Variants in NFRKB observed in about 807,000 individuals in gnomAD.
NFRKB encodes nuclear factor related to kappaB binding protein.
NFRKB carries 62 observed loss-of-function variants against 135.7 expected under a neutral mutation model. The ratio of observed to expected loss-of-function variants is 0.46; its 90% CI spans 0.37 to 0.56. NFRKB has a LOEUF of 0.56. NFRKB is among the 20% of genes least tolerant of loss of function. The pLI is 0.00. For missense variants in NFRKB, 1,545 were observed against 1,662.0 expected, an observed-to-expected ratio of 0.93 and a Z score of 1.22; for synonymous variants, 678 against 635.6, an observed-to-expected ratio of 1.07 and a Z score of -1.00.
At chr11:129,888,212 G>A (rs1367332622) in intron 4 of NFRKB, 7 of 525,330 alleles carry the variant, frequency 1.3e-5, no homozygotes, top group Non-Finnish European at 2.0e-5. Flanking sequence ...CAAAAAGTGT[G>A]TGTGTACCTA....
At chr11:129,891,457 T>C (rs1949556513) in intron 3 of NFRKB, among the ~76,000 whole-genome samples, 1 of 152,216 alleles carries the variant, frequency 6.6e-6, no homozygotes, top group Non-Finnish European at 1.5e-5. Flanking sequence ...TCATTCAGAT[T>C]CCTGGGTCCC....
Position 129,885,504 on chromosome 11 carries a change from G to A in NFRKB, c.571C>T (p.Arg191Cys), listed in dbSNP as rs756832085. The A allele has an allele frequency of 9.3e-6, 15 of 1,613,980 alleles. No individual in the cohort carries two copies. The highest frequency in any genetic ancestry group is 2.2e-5 in the East Asian group (1 of 44,892). Residue 191 changes from arginine to cysteine, a missense_variant, in exon 6 of 27, where the codon CGC becomes TGC. Around this residue, in one of 3 missense-constraint regions of NFRKB, gnomAD observed 678 missense variants for 646.7 expected, o/e 1.05. Transcript: ENST00000682444. ...PEEREWRTQQ[R>C]YLKVLREVKE... ...ACTTCCCTTAAGACCTTCAAGTAGC[G>A]CTGCTGGGTCCGCCACTCCCGCTCC...
chr11:129,874,200 G>A lies in NFRKB; in HGVS notation c.2192C>T (p.Pro731Leu). Residue 731 changes from proline to leucine, a missense_variant, in exon 21 of 27, where the codon CCC (proline) becomes CTC (leucine). Pro to Leu is a moderately conservative substitution (Grantham distance 98, BLOSUM62 -3). Transcript: ENST00000682444. The surrounding 1 kb of genome is among the most constrained non-coding windows in gnomAD (Gnocchi z 4.5). ...TPVTPTTPAL[P>L]AIPISPPPVS... ...AGGTGGAGGGGAGATGGGAATGGCG[G>A]GCAATGCTGGTGTGGTGGGGGTTAC... 2.0e-6 allele frequency: 3 copies of A among 1,520,360 alleles called. No homozygotes were observed. The highest frequency in any genetic ancestry group is 2.6e-6 in the Non-Finnish European group (3 of 1,136,146). 94.2% of individuals were successfully genotyped at this position (1,520,360 alleles called of 1,614,324 possible).
rs1207470884 is a variant in NFRKB, at chr11:129,874,303, C to T, written c.2089G>A (p.Val697Ile). ...TGCTCAGAAGGGCCACTGCTAAGGA[C>T]CTTTATGGAGCTCTCCTTGCTACTG... Reference protein sequence around the residue: ...KSSSKESSIKVLSSGPSEQSQ... With the variant: ...KSSSKESSIKILSSGPSEQSQ... Residue 697 changes from valine to isoleucine, a missense_variant, in exon 21 of 27, where the codon GTC (valine) becomes ATC (isoleucine). Val to Ile is a conservative substitution (Grantham distance 29). Coordinates refer to ENST00000682444, the MANE Select transcript of NFRKB (RefSeq NM_001143835.2). The surrounding 1 kb of genome is among the most constrained non-coding windows in gnomAD (Gnocchi z 4.5). 1.3e-6 allele frequency: 2 copies of T among 1,517,672 alleles called. No homozygotes were observed. Among genetic ancestry groups the T allele is most frequent in the Non-Finnish European group, 1.8e-6 (2 of 1,135,580 alleles). 94.0% of individuals were successfully genotyped at this position (1,517,672 alleles called of 1,614,324 possible). A position where few individuals can be genotyped will look rare whatever the true frequency, so the allele number is the denominator to read the frequency against.
chr11:129,892,148 G>A (rs1053734893), intron 3 of NFRKB, among the ~76,000 whole-genome samples: 6 of 151,796 alleles, frequency 4.0e-5, no homozygotes, highest in South Asian at 4.2e-4. Flanking sequence ...ATTTTGGTGC[G>A]CCTATCACCC....
At chr11:129,870,801 C>T (rs1948462505) in intron 23 of NFRKB, among the ~76,000 whole-genome samples, 1 of 152,152 alleles carries the variant, frequency 6.6e-6, no homozygotes, top group African/African-American at 2.4e-5. Flanking sequence ...GGGACTTCGT[C>T]TCTCTGTGGC....
rs766849064 is a variant in NFRKB at position 129,870,040 on chromosome 11, G to A, written c.2985C>T (p.Phe995=). ...TGCCTGTAGTGTTGCCTCCTGTCCC[G>A]AAGAGGTCCTGGGTCAATTTGACTG... The part of the protein sequence containing the change: ...VTTVKLTQDL[F]GTGGNTTGKG... Residue 995 remains phenylalanine (F), a synonymous_variant, in exon 24 of 27, where the codon TTC becomes TTT. Transcript: ENST00000682444. 3.3e-5 allele frequency: 53 copies of A among 1,614,112 alleles called. No homozygotes were observed. In the East Asian group the frequency reaches 3.8e-4, roughly 12 times the overall value.
In NFRKB at chr11:129,892,563, TA is replaced by T. The variant is rs1256200480; in HGVS notation, c.135+151del. 1.4e-4 allele frequency: 106 copies of T among 731,410 alleles called. 1 individual carries two copies. Among genetic ancestry groups the T allele is most frequent in the South Asian group, 9.3e-4 (42 of 45,116 alleles). 45.3% of individuals were successfully genotyped at this position (731,410 alleles called of 1,614,324 possible). A position where few individuals can be genotyped will look rare whatever the true frequency, so the allele number is the denominator to read the frequency against. Reference sequence around the variant, plus strand: ...TCGGATATTAAATAGACTCTAAACTTAAAAAAAAGATAAGAGATCAGGCTGC... The same window carrying T: ...TCGGATATTAAATAGACTCTAAACTTAAAAAAAGATAAGAGATCAGGCTGC... On this transcript the variant is annotated intron_variant, in intron 3 of 26. Transcript: ENST00000682444.
rs568817909 is a variant in NFRKB at position 129,892,959 on chromosome 11, T to A, written c.-21-89A>T. ...CACTCCTCCAGGAAAACATTCAACC[T>A]CCAGCCAGTTCTTACACCTTATCCT... On this transcript the variant is annotated intron_variant, in intron 2 of 26. Transcript: ENST00000682444. 2.4e-5 allele frequency: 39 copies of A among 1,591,914 alleles called. No homozygotes were observed. In the Admixed American group the frequency reaches 2.7e-4, roughly 11 times the overall value.
At chr11:129,877,937 T>G (rs1291532386) in intron 15 of NFRKB, among the ~76,000 whole-genome samples, 1 of 152,180 alleles carries the variant, frequency 6.6e-6, no homozygotes, top group Non-Finnish European at 1.5e-5. Context: ...AAGTTCTAGC[T>G]GGGGTCCTGC....
chr11:129,872,327 A>C (rs2135642433), intron 23 of NFRKB, among the ~76,000 whole-genome samples: 1 of 152,278 alleles, frequency 6.6e-6, no homozygotes, highest in East Asian at 1.9e-4. Flanking sequence ...CAAAAAAAAA[A>C]CATTACTTTA....
In NFRKB at chr11:129,893,033, G is replaced by A. The variant is rs1002651475; in HGVS notation, c.-21-163C>T. ...GCTCTCCTCCCTCCCTTTCACCACA[G>A]CATTCCCACTGGAATTTTCAAGTCT... is the stretch of plus-strand genomic sequence containing the variant. On this transcript the variant is annotated intron_variant, in intron 2 of 26. Transcript: ENST00000682444. 2.1e-6 allele frequency: 3 copies of A among 1,451,374 alleles called. No homozygotes were observed. In the African/African-American group the frequency reaches 4.3e-5, roughly 21 times the overall value. 89.9% of individuals were successfully genotyped at this position (1,451,374 alleles called of 1,614,324 possible). A position where few individuals can be genotyped will look rare whatever the true frequency, so the allele number is the denominator to read the frequency against.
In NFRKB at chr11:129,873,253, A is replaced by G. The variant is rs144379742; in HGVS notation, c.2551-157T>C. 3.8e-3 allele frequency among the ~76,000 whole-genome samples: 574 copies of G among 152,368 alleles called. 5 individuals are homozygous for G. The highest frequency in any genetic ancestry group is 0.013 in the African/African-American group (547 of 41,578). On this transcript the variant is annotated intron_variant, in intron 22 of 26. Transcript: ENST00000682444. Reference sequence around the variant, plus strand: ...CACCACTCTCTAAAATGGACACTGTAAATGTCTCATTTGTGTATATCTTAA... The same window carrying G: ...CACCACTCTCTAAAATGGACACTGTGAATGTCTCATTTGTGTATATCTTAA...
intron 23 of NFRKB, 21 bp from the exon 24 acceptor site, chr11:129,870,282 C>T: frequency 1.2e-6 from 2 of 1,602,698 alleles, no homozygotes. Flanking sequence ...AGAAGCAGCA[C>T]TGATGAGGGA....
chr11:129,880,107 T>C (rs536058476), intron 13 of NFRKB, among the ~76,000 whole-genome samples: 3 of 152,122 alleles, frequency 2.0e-5, no homozygotes, highest in Non-Finnish European at 4.4e-5. Context: ...GGAGAATTGC[T>C]TGAGCCCGGG....
chr11:129,869,929 A>G lies in NFRKB; in HGVS notation c.3096T>C (p.Pro1032=), dbSNP rs1346897321. ...SPAKASSASA[P]SSTPTGTTVV... ...CAGTGGTACCTGTTGGAGTGGATGA[A>G]GGGGCACTGGCTGAACTGGCCTTGG... Residue 1032 remains proline, a synonymous_variant, in exon 24 of 27, where the codon CCT becomes CCC. Coordinates refer to ENST00000682444, the MANE Select transcript of NFRKB (RefSeq NM_001143835.2). 1.2e-6 allele frequency: 2 copies of G among 1,614,234 alleles called. No homozygotes were observed. The highest frequency in any genetic ancestry group is 2.2e-5 in the East Asian group (1 of 44,890).
intron 13 of NFRKB, 55 bp downstream of exon 13, chr11:129,881,388 G>C (rs948311100): frequency 1.3e-6 from 2 of 1,554,500 alleles, no homozygotes; most frequent in Non-Finnish European, 8.9e-7. Flanking sequence ...AATAAACTTA[G>C]GGGAAGAAAT....
intron 23 of NFRKB, among the ~76,000 whole-genome samples, chr11:129,871,822 C>T (rs1156902312): frequency 1.3e-5 from 2 of 152,152 alleles, no homozygotes; most frequent in Non-Finnish European, 2.9e-5. Flanking sequence ...ATCAAGTCAC[C>T]CTTGCTCACC....
intron 24 of NFRKB, among the ~76,000 whole-genome samples, chr11:129,868,691 G>A (rs999276655): frequency 6.6e-6 from 1 of 152,022 alleles, no homozygotes; most frequent in East Asian, 1.9e-4. Context: ...ACCCCAGTCA[G>A]TATCTGTGTA....
Sources: gnomAD v4.1 joint callset for allele counts (sites outside exome capture counted in the v4.1 genomes callset) on GRCh38, gnomAD v4.1.1 for gene constraint, gnomAD v4.1.1 regional missense constraint, Gnocchi (gnomAD v3.1) non-coding constraint, MANE v1.5 for transcripts, NCBI Gene and HGNC (gene_info 2026-07-23, HGNC 2026-07-21) for gene names.